PPP1R13B: variants seen among roughly 807,000 people sequenced by gnomAD.
PPP1R13B encodes the protein apoptosis-stimulating of p53 protein 1.
PPP1R13B carries 44 observed loss-of-function variants against 119.8 expected under a neutral mutation model. The observed-to-expected ratio is 0.37, with a 90% CI of 0.29 to 0.47. PPP1R13B has a LOEUF of 0.47. Ranked by LOEUF, PPP1R13B falls within the 20% of genes least tolerant of loss-of-function variation. The pLI, the probability that PPP1R13B is intolerant of heterozygous loss-of-function variation, is 0.99. For missense variants in PPP1R13B, 1,227 were observed against 1,413.5 expected (o/e 0.87, Z 2.12); for synonymous variants, 542 against 561.5 (o/e 0.97, Z 0.49).
chr14:103,754,758 A>AAGAG (rs1440934607), intron 5 of PPP1R13B, among the ~76,000 whole-genome samples: 1 of 151,784 alleles, frequency 6.6e-6, no homozygotes, highest in East Asian at 1.9e-4. Context: ...CGGGATTTTT[A>AAGAG]AGAGAGAGGG....
chr14:103,734,650 C>G lies in PPP1R13B; in HGVS notation c.*504G>C, dbSNP rs2084043902. 1 of 456,440 alleles carries G rather than the reference C, an allele frequency of 2.2e-6. No individual in the cohort carries two copies. The highest frequency in any genetic ancestry group is 4.4e-6 in the Non-Finnish European group (1 of 226,894). 28.3% of individuals were successfully genotyped at this position (456,440 alleles called of 1,614,324 possible). A position where few individuals can be genotyped will look rare whatever the true frequency, so the allele number is the denominator to read the frequency against. Reference sequence around the variant, plus strand: ...CTGGGCAGCAACACTGGACATGTTTCCATACAGAGGCTCCTTTGGTGATGA... The same window carrying G: ...CTGGGCAGCAACACTGGACATGTTTGCATACAGAGGCTCCTTTGGTGATGA... On this transcript the variant is annotated 3_prime_UTR_variant, in exon 17 of 17. Coordinates refer to ENST00000202556, the MANE Select transcript of PPP1R13B (RefSeq NM_015316.3).
At chr14:103,779,005 AG>A (rs2085275689) in intron 3 of PPP1R13B, among the ~76,000 whole-genome samples, 184 bp from the exon 4 acceptor site, 1 of 152,186 alleles carries the variant, frequency 6.6e-6, no homozygotes, top group African/African-American at 2.4e-5. Flanking sequence ...AAAGTTGTTC[AG>A]GCTGCGCTCA....
At chr14:103,844,333 C>T (rs1277324007) in intron 1 of PPP1R13B, among the ~76,000 whole-genome samples, 1 of 151,902 alleles carries the variant, frequency 6.6e-6, no homozygotes, top group African/African-American at 2.4e-5. Flanking sequence ...TAGAAGACTT[C>T]TACAGAGATT....
chr14:103,812,187 A>G (rs886974802), intron 1 of PPP1R13B, among the ~76,000 whole-genome samples: 2 of 140,234 alleles, frequency 1.4e-5, no homozygotes, highest in African/African-American at 5.4e-5. Context: ...GCAGTGGCGC[A>G]ATCTCAGCTC....
chr14:103,752,989 C>T lies in PPP1R13B; in HGVS notation c.828+11G>A. 1 of 1,611,098 alleles carries T rather than the reference C, an allele frequency of 6.2e-7. No homozygotes were observed. Among genetic ancestry groups the T allele is most frequent in the Non-Finnish European group, 8.5e-7 (1 of 1,178,018 alleles). On this transcript the variant is annotated intron_variant, in intron 7 of 16. Coordinates refer to ENST00000202556, the MANE Select transcript of PPP1R13B (RefSeq NM_015316.3). ...TGTTTTAATACAACCATTGCCAGAC[C>T]CAGGAGTTACCTGTAGTTCTTGGTA...
At chr14:103,804,368 T>C (rs918677301) in intron 1 of PPP1R13B, among the ~76,000 whole-genome samples, 7 of 152,160 alleles carry the variant, frequency 4.6e-5, no homozygotes. Flanking sequence ...ATTTAAACTA[T>C]TTTCTTGGCA....
Position 103,746,469 on chromosome 14 carries a change from C to T in PPP1R13B, c.1054G>A (p.Val352Ile), listed in dbSNP as rs924471887. Residue 352 changes from valine to isoleucine, a missense_variant, in exon 9 of 17, where the codon GTT (valine) becomes ATT (isoleucine). Physicochemically the swap from Val to Ile is conservative, Grantham distance 29. Transcript: ENST00000202556. The part of the protein sequence containing the change: ...RVAAVGPYIQ[V>I]PSAGSFPVLG... ...ACAGGAAAGCTTCCGGCACTGGGAA[C>T]CTGGATATAAGGCCCCACAGCAGCG... is the stretch of plus-strand genomic sequence containing the variant. The T allele has an allele frequency of 2.5e-6, 4 of 1,614,088 alleles. No homozygotes were observed. The highest frequency in any genetic ancestry group is 3.4e-6 in the Non-Finnish European group (4 of 1,179,960).
In PPP1R13B at chr14:103,746,485, C is replaced by T. The variant is rs2151972153; in HGVS notation, c.1038G>A (p.Val346=). Residue 346 remains valine, a synonymous_variant, in exon 9 of 17, where the codon GTG becomes GTA. Transcript: ENST00000202556. ...CACTGGGAACCTGGATATAAGGCCC[C>T]ACAGCAGCGACCCTGCCCGATGTGC... ...PLSTSGRVAA[V]GPYIQVPSAG... 1.2e-6 allele frequency: 2 copies of T among 1,614,064 alleles called. No individual in the cohort carries two copies. Among genetic ancestry groups the T allele is most frequent in the Non-Finnish European group, 1.7e-6 (2 of 1,179,922 alleles).
chr14:103,814,482 G>C lies in PPP1R13B; in HGVS notation c.10-16964C>G, dbSNP rs189688957. Among the ~76,000 whole-genome samples, 3 of 152,226 alleles carry C rather than the reference G, an allele frequency of 2.0e-5. No individual in the cohort carries two copies. The East Asian group carries it at 5.8e-4, about 29-fold the overall frequency. On this transcript the variant is annotated intron_variant, in intron 1 of 16. Coordinates refer to ENST00000202556, the MANE Select transcript of PPP1R13B (RefSeq NM_015316.3). ...AAGCTTTAAACCACTACTCTAAAAT[G>C]CTTCAAAATAAAAAAGATAAGGCAG...
At position 103,734,646 on chromosome 14, in the gene PPP1R13B, G is replaced by A. The variant is rs1223736119; in HGVS notation, c.*508C>T. On this transcript the variant is annotated 3_prime_UTR_variant, in exon 17 of 17. Coordinates refer to ENST00000202556, the MANE Select transcript of PPP1R13B (RefSeq NM_015316.3). ...CACACTGGGCAGCAACACTGGACAT[G>A]TTTCCATACAGAGGCTCCTTTGGTG... is the stretch of plus-strand genomic sequence containing the variant. The A allele has an allele frequency of 6.6e-6, 3 of 456,546 alleles. No individual in the cohort carries two copies. Among genetic ancestry groups the A allele is most frequent in the Non-Finnish European group, 1.3e-5 (3 of 226,892 alleles). The allele number at this position is 456,546 out of a possible 1,614,324, so 28.3% of individuals were successfully genotyped here.
chr14:103,741,318 A>C (rs1399310787), intron 11 of PPP1R13B, among the ~76,000 whole-genome samples: 1 of 152,156 alleles, frequency 6.6e-6, no homozygotes, highest in African/African-American at 2.4e-5. Flanking sequence ...TCCATAACCC[A>C]AACCAAGGCT....
At chr14:103,790,048 C>T (rs754152973) in intron 2 of PPP1R13B, among the ~76,000 whole-genome samples, 4 of 151,070 alleles carry the variant, frequency 2.6e-5, no homozygotes, top group Non-Finnish European at 5.9e-5. Context: ...GAGTTCCAGA[C>T]CAGCCTGGCC....
chr14:103,833,176 A>G (rs1046517927), intron 1 of PPP1R13B, among the ~76,000 whole-genome samples: 1 of 152,176 alleles, frequency 6.6e-6, no homozygotes, highest in Non-Finnish European at 1.5e-5. Flanking sequence ...CAATATTTTC[A>G]TATCTTTCTC....
intron 4 of PPP1R13B, among the ~76,000 whole-genome samples, chr14:103,767,629 T>C (rs977651351): frequency 9.9e-5 from 15 of 152,100 alleles, no homozygotes; most frequent in African/African-American, 3.4e-4. Context: ...TCTGAGCTCT[T>C]AGCATGGTGA....
chr14:103,765,985 T>TTTA (rs1555436560), intron 4 of PPP1R13B, among the ~76,000 whole-genome samples: 1 of 130,310 alleles, frequency 7.7e-6, no homozygotes, highest in African/African-American at 3.0e-5. Context: ...GAAATTTTTA[T>TTTA]TTTATTATTA....
intron 1 of PPP1R13B, among the ~76,000 whole-genome samples, chr14:103,822,938 C>G (rs942021879): frequency 2.6e-5 from 4 of 152,164 alleles, no homozygotes; most frequent in African/African-American, 9.7e-5. Context: ...GAGAAGCAGA[C>G]TCAAGAGATG....
chr14:103,825,846 C>CTTT (rs67751577), intron 1 of PPP1R13B, among the ~76,000 whole-genome samples: 30 of 143,704 alleles, frequency 2.1e-4, no homozygotes, highest in Admixed American at 1.9e-3. Flanking sequence ...TTTTTCTTTT[C>CTTT]TTTTTTTTTT....
chr14:103,774,883 G>A (rs1567113220), intron 4 of PPP1R13B, among the ~76,000 whole-genome samples: 1 of 152,174 alleles, frequency 6.6e-6, no homozygotes, highest in Non-Finnish European at 1.5e-5. Flanking sequence ...ATAAAATACA[G>A]TAACATCTTT....
intron 1 of PPP1R13B, among the ~76,000 whole-genome samples, chr14:103,825,937 C>T (rs911556479): frequency 7.2e-5 from 11 of 151,980 alleles, no homozygotes; most frequent in African/African-American, 2.2e-4. Context: ...CTCCACCTCC[C>T]GGGTTCAAGT....
Sources: gnomAD v4.1 joint callset for allele counts (sites outside exome capture counted in the v4.1 genomes callset) on GRCh38, gnomAD v4.1.1 for gene constraint, MANE v1.5 for transcripts, NCBI Gene and HGNC (gene_info 2026-07-23, HGNC 2026-07-21) for gene names.